Variants in FBXO25 observed in about 807,000 individuals in gnomAD.
FBXO25 encodes the protein F-box protein 25.
A neutral mutation model predicts 51.9 loss-of-function variants in FBXO25; 45 were observed. That is an observed-to-expected ratio of 0.87 (90% confidence interval 0.68 to 1.11). FBXO25 has a LOEUF of 1.11. Among genes scored for constraint, FBXO25 ranks in the 50% most tolerant of loss-of-function variants. The probability of loss-of-function intolerance (pLI) is 0.00; values close to 1 mark genes in which losing one functional copy is unlikely to be tolerated. For missense variants in FBXO25, 507 were observed against 428.5 expected (o/e 1.18, Z -1.62); for synonymous variants, 199 against 151.0 (o/e 1.32, Z -2.33).
intron 1 of FBXO25, among the ~76,000 whole-genome samples, chr8:407,820 C>T (rs552046746): frequency 3.4e-4 from 51 of 152,080 alleles, no homozygotes; most frequent in Non-Finnish European, 6.6e-4. Context: ...ATTTTTCTTG[C>T]AGCAGACACT....
chr8:430,895 G>C (rs1797783574), intron 2 of FBXO25, among the ~76,000 whole-genome samples: 1 of 152,150 alleles, frequency 6.6e-6, no homozygotes. Context: ...GTTCAGTGCA[G>C]TAATAATTAA....
chr8:451,022 G>A (rs1014807903), intron 6 of FBXO25: 5 of 346,078 alleles, frequency 1.4e-5, no homozygotes, highest in African/African-American at 8.6e-5. Flanking sequence ...CATGTAAGTG[G>A]AGATATATAT....
intron 7 of FBXO25, among the ~76,000 whole-genome samples, chr8:456,339 G>A (rs1314706240): frequency 3.3e-5 from 5 of 152,096 alleles, no homozygotes; most frequent in Non-Finnish European, 7.4e-5. Flanking sequence ...CCTCCTGGGT[G>A]GCTGGGATTA....
In FBXO25 at chr8:435,680, T is replaced by C. The variant is rs576684461; in HGVS notation, c.354T>C (p.Asp118=). 8.1e-5 allele frequency: 129 copies of C among 1,598,888 alleles called. No homozygotes were observed. In the African/African-American group the frequency reaches 1.6e-3, roughly 20 times the overall value. The part of the protein sequence containing the change: ...NRLDFSSAIQ[D]IRRFNYVVKL... ...TAGACTTCTCAAGTGCAATTCAAGA[T>C]ATCCGAAGGTTCAATTATGTGGTCA... The change falls in exon 5 of 10, where the codon GAT becomes GAC. Residue 118 remains aspartate (D), a synonymous_variant. Transcript: ENST00000350302.
chr8:439,465 T>C (rs1585051695), intron 5 of FBXO25, among the ~76,000 whole-genome samples: 2 of 152,376 alleles, frequency 1.3e-5, no homozygotes, highest in African/African-American at 4.8e-5. Context: ...TAATTTTGGT[T>C]ATTTGATAAA....
Position 468,744 on chromosome 8 carries a change from C to G in FBXO25, c.1017C>G (p.Asp339Glu). 6.2e-7 allele frequency: 1 copy of G among 1,614,032 alleles called. No homozygotes were observed. The highest frequency in any genetic ancestry group is 8.5e-7 in the Non-Finnish European group (1 of 1,180,010). ...CAGGACACCCCTGCACGGCGGCCGA[C>G]CCTGACAGCTGCTTCACGCCTGTGT... ...KDSGHPCTAA[D>E]PDSCFTPVSP... Residue 339 changes from aspartate (D) to glutamate (E), a missense_variant, in exon 10 of 10, where the codon GAC (aspartate) becomes GAG (glutamate). By Grantham distance (45) the Asp-to-Glu change is conservative. Coordinates refer to ENST00000350302, the MANE Select transcript of FBXO25 (RefSeq NM_183420.2).
rs909866762 is a variant in FBXO25 at position 468,909 on chromosome 8, C to T, written c.*105C>T. The stretch of plus-strand genomic sequence containing the variant: ...GGTGGAGACTCCTCGGAAGCCCCTG[C>T]TTCCAGAAAGCCTGGGAAGAACTGC... On this transcript the variant is annotated 3_prime_UTR_variant, in exon 10 of 10. Coordinates refer to ENST00000350302, the MANE Select transcript of FBXO25 (RefSeq NM_183420.2). 4 of 1,058,808 alleles carry T rather than the reference C, an allele frequency of 3.8e-6. No homozygotes were observed. The highest frequency in any genetic ancestry group is 3.2e-5 in the African/African-American group (2 of 61,668). The allele number at this position is 1,058,808 out of a possible 1,614,324, so 65.6% of individuals were successfully genotyped here.
chr8:447,532 G>A (rs1277025075), intron 5 of FBXO25, among the ~76,000 whole-genome samples: 4 of 152,170 alleles, frequency 2.6e-5, no homozygotes, highest in Admixed American at 2.0e-4. Context: ...GCAGGAATGC[G>A]ACAAAACAGA....
chr8:442,567 T>A (rs1798492782), intron 5 of FBXO25, among the ~76,000 whole-genome samples: 2 of 152,120 alleles, frequency 1.3e-5, no homozygotes, highest in Non-Finnish European at 2.9e-5. Flanking sequence ...CCCCCCGGGT[T>A]CAAGCGATTC....
In FBXO25 at chr8:440,749, C is replaced by G. The variant is rs547707955; in HGVS notation, c.381+5042C>G. ...CTATCTGTCCCCTAGCCCCCCACCCCCCGACAGGCCCTGGTGTGTGATGTT... is the reference window on the plus strand; with the variant it reads ...CTATCTGTCCCCTAGCCCCCCACCCGCCGACAGGCCCTGGTGTGTGATGTT... On this transcript the variant is annotated intron_variant, in intron 5 of 9. Transcript: ENST00000350302. Among the ~76,000 whole-genome samples, 17 of 152,008 alleles carry G rather than the reference C, an allele frequency of 1.1e-4. No homozygotes were observed. The South Asian group carries it at 3.3e-3, about 30-fold the overall frequency.
At chr8:449,273 T>C (rs56287088) in intron 5 of FBXO25, among the ~76,000 whole-genome samples, 55 of 152,348 alleles carry the variant, frequency 3.6e-4, no homozygotes, top group Non-Finnish European at 7.3e-4. Context: ...CCTGCCATGA[T>C]GCACATCAGA....
At chr8:453,673 A>C (rs999101682) in intron 7 of FBXO25, among the ~76,000 whole-genome samples, 1 of 152,114 alleles carries the variant, frequency 6.6e-6, no homozygotes, top group Non-Finnish European at 1.5e-5. Context: ...AGATGGGGTT[A>C]GAACAGAGCA....
chr8:475,159 A>T lies in FBXO25; in HGVS notation c.*6355A>T, dbSNP rs1192098635. 2.9e-6 allele frequency: 1 copy of T among 347,376 alleles called. No homozygotes were observed. The highest frequency in any genetic ancestry group is 2.2e-5 in the African/African-American group (1 of 46,284). 21.5% of individuals were successfully genotyped at this position (347,376 alleles called of 1,614,324 possible). ...TATGGTGTGAGGTAGATCTAGCTTCATGTGGATGTCCACTTGTCTAGCACC... is the reference window on the plus strand; with the variant it reads ...TATGGTGTGAGGTAGATCTAGCTTCTTGTGGATGTCCACTTGTCTAGCACC... On this transcript the variant is annotated 3_prime_UTR_variant, in exon 10 of 10. Coordinates refer to ENST00000350302, the MANE Select transcript of FBXO25 (RefSeq NM_183420.2).
intron 5 of FBXO25, among the ~76,000 whole-genome samples, chr8:441,703 G>A (rs1404895531): frequency 6.6e-6 from 1 of 152,180 alleles, no homozygotes; most frequent in East Asian, 1.9e-4. Context: ...AGTGGGTAAA[G>A]GATATGAACA....
At chr8:409,703 C>G (rs1488052981) in intron 1 of FBXO25, among the ~76,000 whole-genome samples, 1 of 152,054 alleles carries the variant, frequency 6.6e-6, no homozygotes, top group African/African-American at 2.4e-5. Flanking sequence ...GACAGTCATC[C>G]AGATAAGGTT....
intron 9 of FBXO25, chr8:468,316 C>T (rs1469866575): frequency 1.0e-6 from 1 of 1,004,164 alleles, no homozygotes; most frequent in African/African-American, 1.7e-5. Context: ...CCCTGTGTAA[C>T]AAAGTGAGCC....
chr8:467,023 C>G (rs185155136), intron 9 of FBXO25, among the ~76,000 whole-genome samples: 1 of 152,170 alleles, frequency 6.6e-6, no homozygotes, highest in Admixed American at 6.5e-5. Context: ...GGCCATCTGA[C>G]GTTCACCCCA....
intron 9 of FBXO25, chr8:467,825 G>T: frequency 1.2e-6 from 2 of 1,603,780 alleles, no homozygotes; most frequent in East Asian, 2.2e-5. Context: ...ACGTCATCTT[G>T]GCCACTGCCC....
intron 5 of FBXO25, among the ~76,000 whole-genome samples, chr8:449,712 G>A (rs2116714645): frequency 6.6e-6 from 1 of 152,300 alleles, no homozygotes; most frequent in Non-Finnish European, 1.5e-5. Context: ...CTTGCAGCCT[G>A]GGCTCCGGGA....
Sources: gnomAD v4.1 joint callset for allele counts (sites outside exome capture counted in the v4.1 genomes callset) on GRCh38, gnomAD v4.1.1 for gene constraint, MANE v1.5 for transcripts, NCBI Gene and HGNC (gene_info 2026-07-23, HGNC 2026-07-21) for gene names.